The following NFASC variants were observed in gnomAD, a reference collection of about 807,000 sequenced individuals.
NFASC encodes the protein neurofascin homolog.
A neutral mutation model predicts 147.5 loss-of-function variants in NFASC; 43 were observed. The observed-to-expected ratio is 0.29, with a 90% confidence interval of 0.23 to 0.38. NFASC has a LOEUF of 0.38. NFASC is among the 10% of genes least tolerant of loss of function. The pLI is 1.00. For missense variants in NFASC, 1,320 were observed against 1,689.0 expected (o/e 0.78, Z 3.83); for synonymous variants, 622 against 665.5 (o/e 0.93, Z 1.01).
rs562577914 is a variant in NFASC, at chr1:204,974,204, C to T, written c.1305C>T (p.Pro435=). 13 of 1,614,014 alleles carry T rather than the reference C, an allele frequency of 8.1e-6. No individual in the cohort carries two copies. Among genetic ancestry groups the T allele is most frequent in the Non-Finnish European group, 1.1e-5 (13 of 1,179,964 alleles). ...VLDVPPRMLS[P]RNQLIRVILY... ...ATGTGCCGCCTCGGATGCTGTCGCC[C>T]CGGAACCAGCTCATTCGAGTGATTC... The change falls in exon 13 of 30, where the codon CCC becomes CCT. Residue 435 remains proline, a synonymous_variant. Transcript: ENST00000339876.
intron 1 of NFASC, among the ~76,000 whole-genome samples, chr1:204,869,981 C>T (rs909453880): frequency 5.9e-5 from 9 of 152,140 alleles, no homozygotes; most frequent in Non-Finnish European, 1.0e-4. Context: ...AGGGTATAAA[C>T]ATTTTTAAGA....
chr1:204,974,336 T>C, intron 13 of NFASC, 46 bp downstream of exon 13: 1 of 1,433,844 alleles, frequency 7.0e-7, no homozygotes, highest in Non-Finnish European at 9.8e-7. Context: ...GTCACCTGTC[T>C]CATCTTCTCC....
intron 1 of NFASC, among the ~76,000 whole-genome samples, chr1:204,855,247 G>T (rs981830791): frequency 5.9e-5 from 9 of 152,196 alleles, no homozygotes; most frequent in Admixed American, 6.5e-5. Flanking sequence ...TGGAAGCAAG[G>T]TTTACCCATG....
intron 1 of NFASC, among the ~76,000 whole-genome samples, chr1:204,920,428 T>C (rs75996594): frequency 2.4e-5 from 1 of 42,256 alleles, no homozygotes; most frequent in African/African-American, 1.1e-4. Flanking sequence ...GGATCTGTCC[T>C]TTTTTTTTTT....
chr1:204,962,497 C>A (rs1406681644), intron 8 of NFASC, among the ~76,000 whole-genome samples: 2 of 152,224 alleles, frequency 1.3e-5, no homozygotes, highest in Non-Finnish European at 2.9e-5. Flanking sequence ...GGGAGACTAT[C>A]TTAAAATAGG....
rs1170127523 is a variant in NFASC, at chr1:204,952,096, A to C, written c.195A>C (p.Ala65=). 1 of 1,613,636 alleles carries C rather than the reference A, an allele frequency of 6.2e-7. No homozygotes were observed. Among genetic ancestry groups the C allele is most frequent in the East Asian group, 2.2e-5 (1 of 44,870 alleles). ...PRDNILIECE[A]KGNPAPSFHW... ...ATAACATCCTGATTGAGTGTGAAGC[A>C]AAAGGGAACCCTGCCCCCAGGTGAG... The change falls in exon 5 of 30, where the codon GCA becomes GCC. Residue 65 remains alanine, a synonymous_variant. Transcript: ENST00000339876.
chr1:204,837,254 G>T (rs1268480095), intron 1 of NFASC, among the ~76,000 whole-genome samples: 3 of 152,240 alleles, frequency 2.0e-5, no homozygotes, highest in African/African-American at 7.2e-5. Flanking sequence ...CTGAAGAGAA[G>T]TGGGGGTTGG....
At chr1:204,830,623 T>TTGTGATGTGTGTGTGTGTTG (rs1671935577) in intron 1 of NFASC, among the ~76,000 whole-genome samples, 2 of 150,448 alleles carry the variant, frequency 1.3e-5, no homozygotes, top group Non-Finnish European at 3.0e-5. Context: ...TGTGTGTGTG[T>TTGTGATGTGTGTGTGTGTTG]TGTGATGTGT....
chr1:204,979,547 A>T lies in NFASC; in HGVS notation c.2164A>T (p.Thr722Ser). 1 of 1,613,626 alleles carries T rather than the reference A, an allele frequency of 6.2e-7. No individual in the cohort carries two copies. The highest frequency in any genetic ancestry group is 1.1e-5 in the South Asian group (1 of 91,072). Residue 722 changes from threonine (T) to serine (S), a missense_variant, in exon 19 of 30, where the codon ACC becomes TCC. This residue lies in a region of NFASC where 981 missense variants were observed against 1,289.5 expected (regional missense o/e 0.76). Coordinates refer to ENST00000339876, the MANE Select transcript of NFASC (RefSeq NM_001005388.3). This position sits in a 1 kb window ranked among gnomAD's most constrained non-coding sequence, Gnocchi z 6.0. ...CAGCCTCCCATCCGAGCGCTACCGAACCAGTGGAGCACGTGAGTACCCGAG... is the reference window on the plus strand; with the variant it reads ...CAGCCTCCCATCCGAGCGCTACCGATCCAGTGGAGCACGTGAGTACCCGAG... ...HPSLPSERYR[T>S]SGAPPESNPG...
At chr1:205,001,741 G>A (rs1376647161) in intron 26 of NFASC, among the ~76,000 whole-genome samples, 1 of 152,170 alleles carries the variant, frequency 6.6e-6, no homozygotes, top group Non-Finnish European at 1.5e-5. Flanking sequence ...ACAGACCAGA[G>A]CCATTTGTCC....
At chr1:204,845,221 G>T (rs1490855648) in intron 1 of NFASC, among the ~76,000 whole-genome samples, 1 of 151,552 alleles carries the variant, frequency 6.6e-6, no homozygotes, top group African/African-American at 2.4e-5. Context: ...CGAGATGATG[G>T]TGCTCCTGCT....
At chr1:204,970,401 G>T (rs1481221826) in intron 10 of NFASC, among the ~76,000 whole-genome samples, 1 of 152,186 alleles carries the variant, frequency 6.6e-6, no homozygotes, top group Non-Finnish European at 1.5e-5. Flanking sequence ...CTATTGTTCT[G>T]TGAACTCAAA....
At position 204,965,589 on chromosome 1, in the gene NFASC, C is replaced by T. The variant is rs183811421; in HGVS notation, c.707-2660C>T. On this transcript the variant is annotated intron_variant, in intron 8 of 29. Transcript: ENST00000339876. ...AGCTTCTTTTTCTCCACCTTGGGCC[C>T]GAGTTTTTTTTAATAGCCACTGAGG... Among the ~76,000 whole-genome samples, 663 of 152,182 alleles carry T rather than the reference C, an allele frequency of 4.4e-3. 4 individuals are homozygous for T. Among genetic ancestry groups the T allele is most frequent in the African/African-American group, 0.015 (637 of 41,510 alleles).
At position 204,974,715 on chromosome 1, in the gene NFASC, G is replaced by A. The variant is rs750397707; in HGVS notation, c.1450G>A (p.Gly484Ser). 12 of 1,614,048 alleles carry A rather than the reference G, an allele frequency of 7.4e-6. No homozygotes were observed. Among genetic ancestry groups the A allele is most frequent in the Admixed American group, 1.7e-5 (1 of 60,012 alleles). Residue 484 changes from glycine (G) to serine (S), a missense_variant, in exon 14 of 30, where the codon GGC becomes AGC. Around this residue, in one of 3 missense-constraint regions of NFASC, gnomAD observed 981 missense variants for 1,289.5 expected, o/e 0.76. Transcript: ENST00000339876. Reference sequence around the variant, plus strand: ...TGGCAACTACCATGTTTATGAGAACGGCAGTCTGGAAATTAAGATGATCCG... The same window carrying A: ...TGGCAACTACCATGTTTATGAGAACAGCAGTCTGGAAATTAAGATGATCCG... Reference protein sequence around the residue: ...DGGNYHVYENGSLEIKMIRKE... With the variant: ...DGGNYHVYENSSLEIKMIRKE...
At chr1:204,923,403 C>T (rs1320020135) in intron 2 of NFASC, among the ~76,000 whole-genome samples, 1 of 152,162 alleles carries the variant, frequency 6.6e-6, no homozygotes, top group Non-Finnish European at 1.5e-5. Context: ...CCGCCATCCC[C>T]AGTACGTCCA....
chr1:204,843,739 T>G (rs1676167901), intron 1 of NFASC, among the ~76,000 whole-genome samples: 1 of 151,100 alleles, frequency 6.6e-6, no homozygotes, highest in South Asian at 2.1e-4. Context: ...GGAATTTCAC[T>G]CTTGTTGTCC....
intron 27 of NFASC, chr1:205,008,734 T>TA (rs1471967802): frequency 2.0e-5 from 3 of 153,006 alleles, no homozygotes; most frequent in East Asian, 1.9e-4. Context: ...GGTCTGCACA[T>TA]ACGCTGGGCA....
At chr1:205,008,559 G>A (rs2794865) in intron 27 of NFASC, 50,120 of 152,184 alleles carry the variant, frequency 0.33, 10,402 homozygotes, top group Non-Finnish European at 0.48. Flanking sequence ...TTCTCCAGCC[G>A]GTAGAAAGGA....
intron 8 of NFASC, chr1:204,962,227 T>G: frequency 7.7e-7 from 1 of 1,301,842 alleles, no homozygotes; most frequent in Non-Finnish European, 1.1e-6. Context: ...ACTTGACTGA[T>G]ACCACGTCAT....
Sources: allele counts gnomAD v4.1 joint callset (sites outside exome capture counted in the v4.1 genomes callset), GRCh38; gene constraint gnomAD v4.1.1; regional missense constraint gnomAD v4.1.1; non-coding constraint Gnocchi (gnomAD v3.1); transcripts MANE v1.5; gene names NCBI Gene and HGNC (gene_info 2026-07-23, HGNC 2026-07-21).